The following NGLY1 variants were observed in gnomAD, a reference collection of about 807,000 sequenced individuals.
The protein encoded by NGLY1 is N-glycanase 1.
Under a neutral mutation model 84.6 loss-of-function variants are expected in NGLY1, and 68 were observed. The ratio of observed to expected loss-of-function variants is 0.80; its 90% CI spans 0.66 to 0.98. The LOEUF (loss-of-function observed/expected upper bound fraction) is 0.98. Among genes scored for constraint, NGLY1 ranks in the 50% least tolerant of loss-of-function variants. The pLI is 0.00. For synonymous variants in NGLY1, 280 were observed against 275.2 expected (o/e 1.02, Z -0.17); for missense variants, 779 against 770.2 (o/e 1.01, Z -0.14).
At chr3:25,732,971 C>T (rs1323516852) in intron 8 of NGLY1, among the ~76,000 whole-genome samples, 3 of 152,212 alleles carry the variant, frequency 2.0e-5, no homozygotes, top group Admixed American at 6.5e-5. Context: ...CTTTTCCCTT[C>T]CAGTCATTTG....
At chr3:25,750,864 C>T (rs1706704609) in intron 4 of NGLY1, among the ~76,000 whole-genome samples, 2 of 152,182 alleles carry the variant, frequency 1.3e-5, no homozygotes, top group African/African-American at 4.8e-5. Flanking sequence ...TACCAGAATC[C>T]ACACATACTC....
At chr3:25,729,365 A>T (rs779771466) in intron 9 of NGLY1, 47 bp from the exon 10 acceptor site, 29 of 1,183,680 alleles carry the variant, frequency 2.4e-5, no homozygotes, top group Non-Finnish European at 3.2e-5. Context: ...GAAAGATGTA[A>T]AAAAGAAAAA....
chr3:25,789,541 T>A (rs1708676571), intron 1 of NGLY1, among the ~76,000 whole-genome samples: 1 of 152,228 alleles, frequency 6.6e-6, no homozygotes, highest in Admixed American at 6.5e-5. Flanking sequence ...TTTGTAACTA[T>A]GTCTCCTAAC....
In NGLY1 at chr3:25,729,211, ATTG is replaced by A; in HGVS notation, c.1530_1532del (p.Asn511del). The stretch of plus-strand genomic sequence containing the variant: ...CATTCTCCCATCCAGAAATGGTTTG[ATTG>A]TTATTTGAAACTCGAACATAACGAT... On this transcript the variant is annotated inframe_deletion, in exon 10 of 12. Coordinates refer to ENST00000280700, the MANE Select transcript of NGLY1 (RefSeq NM_018297.4). The A allele has an allele frequency of 6.4e-7, 1 of 1,569,352 alleles. No homozygotes were observed. Among genetic ancestry groups the A allele is most frequent in the Non-Finnish European group, 8.7e-7 (1 of 1,154,364 alleles).
At chr3:25,733,738 AAAAAG>A in intron 8 of NGLY1, 129 bp downstream of exon 8, 1 of 459,636 alleles carries the variant, frequency 2.2e-6, no homozygotes, top group Non-Finnish European at 3.6e-6. Context: ...TTTAATATTC[AAAAAG>A]AATATTAAAA....
At chr3:25,728,686 A>C (rs1253640892) in intron 10 of NGLY1, among the ~76,000 whole-genome samples, 1 of 152,116 alleles carries the variant, frequency 6.6e-6, no homozygotes, top group South Asian at 2.1e-4. Flanking sequence ...AATGCCTGTT[A>C]GATGTTTAGC....
chr3:25,757,745 G>A (rs1249888803), intron 3 of NGLY1, among the ~76,000 whole-genome samples: 1 of 152,232 alleles, frequency 6.6e-6, no homozygotes, highest in East Asian at 1.9e-4. Context: ...GAAGGTCCAC[G>A]AGGATGTGGA....
chr3:25,782,904 G>C (rs1708482869), intron 1 of NGLY1: 1 of 232,816 alleles, frequency 4.3e-6, no homozygotes, highest in African/African-American at 2.3e-5. Flanking sequence ...GTTGTGTCCC[G>C]ATATCTGAGG....
At chr3:25,736,635 A>G in intron 6 of NGLY1, 1 of 379,870 alleles carries the variant, frequency 2.6e-6, no homozygotes, top group Non-Finnish European at 4.7e-6. Flanking sequence ...TGGAAACACA[A>G]GGAAAACAAC....
intron 8 of NGLY1, among the ~76,000 whole-genome samples, chr3:25,733,179 C>T (rs6550986): frequency 0.82 from 124,419 of 152,052 alleles, 51,263 homozygotes; most frequent in East Asian, 0.94. Flanking sequence ...GGCTACACAT[C>T]AGGAGTAAGT....
intron 9 of NGLY1, among the ~76,000 whole-genome samples, chr3:25,731,480 TCATATA>T (rs1486971172): frequency 6.6e-6 from 1 of 152,074 alleles, no homozygotes; most frequent in Non-Finnish European, 1.5e-5. Context: ...TCGAAAAACT[TCATATA>T]CTGCTGGTGA....
At chr3:25,724,242 T>C (rs1159109305) in intron 10 of NGLY1, among the ~76,000 whole-genome samples, 1 of 152,210 alleles carries the variant, frequency 6.6e-6, no homozygotes, top group Non-Finnish European at 1.5e-5. Context: ...CTTAAAATTA[T>C]TGTTCTACTG....
In NGLY1 at chr3:25,719,299, T is replaced by C; in HGVS notation, c.*161A>G. 1 of 505,116 alleles carries C rather than the reference T, an allele frequency of 2.0e-6. No individual in the cohort carries two copies. Among genetic ancestry groups the C allele is most frequent in the Non-Finnish European group, 3.6e-6 (1 of 281,552 alleles). The allele number at this position is 505,116 out of a possible 1,614,324, so 31.3% of individuals were successfully genotyped here. A position where few individuals can be genotyped will look rare whatever the true frequency, so the allele number is the denominator to read the frequency against. ...GTTTTAATTCAATATTTTATTATAG[T>C]CCACGTATAAAGATAATTTTCATGA... On this transcript the variant is annotated 3_prime_UTR_variant, in exon 12 of 12. Transcript: ENST00000280700.
rs1029160672 is a variant in NGLY1, at chr3:25,737,790, C to T, written c.882-335G>A. 5.9e-5 allele frequency among the ~76,000 whole-genome samples: 9 copies of T among 151,998 alleles called. No homozygotes were observed. In the East Asian group the frequency reaches 9.6e-4, roughly 16 times the overall value. On this transcript the variant is annotated intron_variant, in intron 5 of 11. Coordinates refer to ENST00000280700, the MANE Select transcript of NGLY1 (RefSeq NM_018297.4). The stretch of plus-strand genomic sequence containing the variant: ...CGATCTCCTGACCTCGTGATTCGCC[C>T]GCCTCAGCCTCCCAAAGTGCTGAGA...
At chr3:25,732,586 G>A in intron 8 of NGLY1, 103 bp from the exon 9 acceptor site, 1 of 721,106 alleles carries the variant, frequency 1.4e-6, no homozygotes, top group Non-Finnish European at 2.2e-6. Context: ...AAGAGGTCTT[G>A]AAACAAGTAC....
In NGLY1 at chr3:25,729,122, C is replaced by A; in HGVS notation, c.1611+11G>T. On this transcript the variant is annotated intron_variant, in intron 10 of 11. Transcript: ENST00000280700. ...GACAAAAGTTTTAAATGGTTTTATGCATTAAGTTACCATGTGCCAGTCTGT... is the reference window on the plus strand; with the variant it reads ...GACAAAAGTTTTAAATGGTTTTATGAATTAAGTTACCATGTGCCAGTCTGT... 7.0e-7 allele frequency: 1 copy of A among 1,428,582 alleles called. No individual in the cohort carries two copies. The highest frequency in any genetic ancestry group is 9.3e-7 in the Non-Finnish European group (1 of 1,076,380). The allele number at this position is 1,428,582 out of a possible 1,614,324, so 88.5% of individuals were successfully genotyped here.
Position 25,768,456 on chromosome 3 carries a change from A to C in NGLY1, c.247-4145T>G, listed in dbSNP as rs1386399779. ...AAAAAAAAAGATGGATTAGAGACTT[A>C]AGTGTAAGACCTTAAAGTATAACCT... On this transcript the variant is annotated intron_variant, in intron 2 of 11. Transcript: ENST00000280700. Among the ~76,000 whole-genome samples, 4 of 151,850 alleles carry C rather than the reference A, an allele frequency of 2.6e-5. No homozygotes were observed. The East Asian group carries it at 7.7e-4, about 29-fold the overall frequency.
At position 25,736,024 on chromosome 3, in the gene NGLY1, T is replaced by C. The variant is rs1705798394; in HGVS notation, c.1129A>G (p.Ile377Val). 3 of 1,612,996 alleles carry C rather than the reference T, an allele frequency of 1.9e-6. No individual in the cohort carries two copies. Among genetic ancestry groups the C allele is most frequent in the Non-Finnish European group, 1.7e-6 (2 of 1,179,594 alleles). The stretch of plus-strand genomic sequence containing the variant: ...TCTACCTCATCTTTTGAAAATGCTA[T>C]GACATAGGAAAGCTTCTTGCCCCAT... ...IGWGKKLSYVIAFSKDEVVDV... is the reference protein window; with the variant it reads ...IGWGKKLSYVVAFSKDEVVDV... The change falls in exon 7 of 12, where the codon ATA becomes GTA. Residue 377 changes from isoleucine to valine, a missense_variant. Physicochemically the swap from Ile to Val is conservative, Grantham distance 29. Coordinates refer to ENST00000280700, the MANE Select transcript of NGLY1 (RefSeq NM_018297.4).
At chr3:25,721,762 A>AG (rs1467254070) in intron 10 of NGLY1, among the ~76,000 whole-genome samples, 1 of 150,648 alleles carries the variant, frequency 6.6e-6, no homozygotes, top group African/African-American at 2.4e-5. Context: ...AAAAAAAAAA[A>AG]AAAAAAAAAA....
Sources: gnomAD v4.1 joint callset for allele counts (sites outside exome capture counted in the v4.1 genomes callset) on GRCh38, gnomAD v4.1.1 for gene constraint, MANE v1.5 for transcripts, NCBI Gene and HGNC (gene_info 2026-07-23, HGNC 2026-07-21) for gene names.